Variants in SH3BP2 observed in about 807,000 individuals in gnomAD.
The protein encoded by SH3BP2 is SH3 domain binding protein 2.
Under a neutral mutation model 56.2 loss-of-function variants are expected in SH3BP2, and 38 were observed. That is an observed-to-expected ratio of 0.68 (90% CI 0.52 to 0.89). The LOEUF (loss-of-function observed/expected upper bound fraction) is 0.89, where lower values mean the gene tolerates loss of function less well. SH3BP2 is among the 40% of genes least tolerant of loss of function. The pLI is 0.00. For synonymous variants in SH3BP2, 346 were observed against 316.7 expected (o/e 1.09, Z -0.98); for missense variants, 748 against 762.6 (o/e 0.98, Z 0.23).
intron 1 of SH3BP2, among the ~76,000 whole-genome samples, chr4:2,804,678 G>T (rs1723456420): frequency 6.6e-6 from 1 of 152,214 alleles, no homozygotes; most frequent in African/African-American, 2.4e-5. Flanking sequence ...CTGTCCTTAA[G>T]GTTGGTGGGC....
Position 2,829,520 on chromosome 4 carries a change from C to G in SH3BP2, c.614C>G (p.Pro205Arg), listed in dbSNP as rs747483015. ...GCCCTGATGCACCCACCGGCTTACCCACCACCCCCAGTGCCCACGCCCAGG... is the reference window on the plus strand; with the variant it reads ...GCCCTGATGCACCCACCGGCTTACCGACCACCCCCAGTGCCCACGCCCAGG... ...EDALMHPPAYPPPPVPTPRKP... is the reference protein window; with the variant it reads ...EDALMHPPAYRPPPVPTPRKP... The change falls in exon 8 of 13, where the codon CCA (proline) becomes CGA (arginine). Residue 205 changes from proline (P) to arginine (R), a missense_variant. By Grantham distance (103) the Pro-to-Arg change is moderately radical. Around this residue, in one of 3 missense-constraint regions of SH3BP2, gnomAD observed 635 missense variants for 615.0 expected, o/e 1.03. Transcript: ENST00000503393. The surrounding 1 kb of genome is among the most constrained non-coding windows in gnomAD (Gnocchi z 4.9). The G allele has an allele frequency of 1.9e-6, 3 of 1,613,606 alleles. No individual in the cohort carries two copies. The highest frequency in any genetic ancestry group is 2.5e-6 in the Non-Finnish European group (3 of 1,179,986).
At chr4:2,825,344 C>T in intron 5 of SH3BP2, 148 bp downstream of exon 5, 1 of 708,324 alleles carries the variant, frequency 1.4e-6, no homozygotes. Flanking sequence ...CGTCTCTCTG[C>T]TCCTGTCTAC....
chr4:2,820,852 G>A (rs1464254166), intron 2 of SH3BP2, 99 bp downstream of exon 2: 1 of 1,347,156 alleles, frequency 7.4e-7, no homozygotes, highest in Non-Finnish European at 1.0e-6. Flanking sequence ...TCCTCACATG[G>A]TGTGCCCTCT....
Position 2,831,819 on chromosome 4 carries a change from C to A in SH3BP2, c.1351-104C>A, listed in dbSNP as rs747239160. 44 of 1,406,162 alleles carry A rather than the reference C, an allele frequency of 3.1e-5. No individual in the cohort carries two copies. Among genetic ancestry groups the A allele is most frequent in the Non-Finnish European group, 4.0e-5 (40 of 1,008,768 alleles). The allele number at this position is 1,406,162 out of a possible 1,614,324, so 87.1% of individuals were successfully genotyped here. On this transcript the variant is annotated intron_variant, in intron 9 of 12. Coordinates refer to ENST00000503393, the MANE Select transcript of SH3BP2 (RefSeq NM_001122681.2). This position sits in a 1 kb window ranked among gnomAD's most constrained non-coding sequence, Gnocchi z 4.1. ...CCCGGGAGCCTAGGGGGACACAGCA[C>A]CATGTAAAGCCCCGGATCCCGGCAC...
In SH3BP2 at chr4:2,829,466, T is replaced by C; in HGVS notation, c.587-27T>C. On this transcript the variant is annotated intron_variant, in intron 7 of 12. Transcript: ENST00000503393. This position sits in a 1 kb window ranked among gnomAD's most constrained non-coding sequence, Gnocchi z 4.9. ...AGTGTTGGCCCAGTCTCTGTCAGGGTCCAACCCGGGTCTCTTTGCTCTGCA... is the reference window on the plus strand; with the variant it reads ...AGTGTTGGCCCAGTCTCTGTCAGGGCCCAACCCGGGTCTCTTTGCTCTGCA... 2.5e-6 allele frequency: 4 copies of C among 1,612,302 alleles called. No individual in the cohort carries two copies. Among genetic ancestry groups the C allele is most frequent in the Non-Finnish European group, 3.4e-6 (4 of 1,179,168 alleles).
chr4:2,813,211 C>A (rs1364563013), intron 1 of SH3BP2, among the ~76,000 whole-genome samples: 1 of 152,214 alleles, frequency 6.6e-6, no homozygotes, highest in Non-Finnish European at 1.5e-5. Flanking sequence ...AGGTGGAAGC[C>A]GCCCCATCTG....
At chr4:2,824,488 A>AC (rs1724482067) in intron 3 of SH3BP2, 125 bp from the exon 4 acceptor site, 1 of 664,556 alleles carries the variant, frequency 1.5e-6, no homozygotes, top group Non-Finnish European at 2.5e-6. Flanking sequence ...GCCAGGGCCC[A>AC]CCCGATCTGC....
intron 1 of SH3BP2, among the ~76,000 whole-genome samples, chr4:2,802,522 A>G (rs1231419582): frequency 1.1e-5 from 1 of 88,294 alleles, no homozygotes; most frequent in Admixed American, 1.3e-4. Flanking sequence ...ATATGTGTAT[A>G]TATATATGTA....
chr4:2,802,657 A>ATG (rs144939379), intron 1 of SH3BP2, among the ~76,000 whole-genome samples: 4,797 of 141,792 alleles, frequency 0.034, 98 homozygotes, highest in African/African-American at 0.055. Context: ...ATATATGTAT[A>ATG]TGTGTGTGTG....
intron 4 of SH3BP2, 172 bp downstream of exon 4, chr4:2,824,902 A>C (rs1367430010): frequency 5.9e-6 from 4 of 672,718 alleles, no homozygotes; most frequent in Non-Finnish European, 1.1e-5. Context: ...CCCCAGCTCC[A>C]TCCCCATGCC....
At chr4:2,812,172 A>C in intron 1 of SH3BP2, 1 of 1,434,910 alleles carries the variant, frequency 7.0e-7, no homozygotes, top group East Asian at 2.5e-5. Context: ...CCTGGGCCCC[A>C]GGCAGCTTTC....
At position 2,831,617 on chromosome 4, in the gene SH3BP2, A is replaced by C; in HGVS notation, c.1288A>C (p.Lys430Gln). The change falls in exon 9 of 13, where the codon AAG (lysine) becomes CAG (glutamine). Residue 430 changes from lysine to glutamine, a missense_variant. Around this residue, in one of 3 missense-constraint regions of SH3BP2, gnomAD observed 635 missense variants for 615.0 expected, o/e 1.03. Coordinates refer to ENST00000503393, the MANE Select transcript of SH3BP2 (RefSeq NM_001122681.2). The surrounding 1 kb of genome is among the most constrained non-coding windows in gnomAD (Gnocchi z 4.1). ...GQSFRSFSFEKPRQPSQADTG... is the reference protein window; with the variant it reads ...GQSFRSFSFEQPRQPSQADTG... ...GAGTTTCAGGAGCTTCTCCTTTGAA[A>C]AGCCCCGGCAACCCTCACAGGCTGA... 1 of 1,605,010 alleles carries C rather than the reference A, an allele frequency of 6.2e-7. No individual in the cohort carries two copies. The highest frequency in any genetic ancestry group is 8.5e-7 in the Non-Finnish European group (1 of 1,175,514).
At chr4:2,795,131 G>A (rs1723019758) in intron 1 of SH3BP2, among the ~76,000 whole-genome samples, 1 of 152,152 alleles carries the variant, frequency 6.6e-6, no homozygotes, top group East Asian at 1.9e-4. Context: ...ACATGTGCTT[G>A]GTATTCAGTG....
At position 2,833,704 on chromosome 4, in the gene SH3BP2, A is replaced by C; in HGVS notation, c.1556A>C (p.Lys519Thr). The C allele has an allele frequency of 6.2e-7, 1 of 1,610,686 alleles. No homozygotes were observed. The highest frequency in any genetic ancestry group is 8.5e-7 in the Non-Finnish European group (1 of 1,178,574). The change falls in exon 13 of 13, where the codon AAG becomes ACG. Residue 519 changes from lysine (K) to threonine (T), a missense_variant. Physicochemically the swap from Lys to Thr is moderately conservative, Grantham distance 78. Transcript: ENST00000503393. ...CCTTCTCTTCCCCCACAGGACTCTA[A>C]GTTCTACCTGGAGGGCGAGGTCCTG... ...RNYRIFEKDS[K>T]FYLEGEVLFV...
At position 2,823,007 on chromosome 4, in the gene SH3BP2, A is replaced by C; in HGVS notation, c.209A>C (p.Gln70Pro). The C allele has an allele frequency of 6.2e-7, 1 of 1,613,982 alleles. No individual in the cohort carries two copies. The highest frequency in any genetic ancestry group is 8.5e-7 in the Non-Finnish European group (1 of 1,179,916). ...AAGAGTAGCACCTCTGCCTCCCCGC[A>C]GGGCGCCTTCTCCCTGAGTGGCTAT... ...YFKSSTSASPQGAFSLSGYNR... is the reference protein window; with the variant it reads ...YFKSSTSASPPGAFSLSGYNR... The change falls in exon 3 of 13, where the codon CAG (glutamine) becomes CCG (proline). Residue 70 changes from glutamine (Q) to proline (P), a missense_variant. Physicochemically the swap from Gln to Pro is moderately conservative, Grantham distance 76. This residue lies in a region of SH3BP2 where 104 missense variants were observed against 123.1 expected (regional missense o/e 0.84). Coordinates refer to ENST00000503393, the MANE Select transcript of SH3BP2 (RefSeq NM_001122681.2).
At chr4:2,806,536 G>T (rs998996605) in intron 1 of SH3BP2, among the ~76,000 whole-genome samples, 1 of 152,266 alleles carries the variant, frequency 6.6e-6, no homozygotes, top group East Asian at 1.9e-4. Context: ...GGCTCCAGGC[G>T]AGCAGCAGTG....
intron 3 of SH3BP2, chr4:2,823,479 G>A (rs1314800524): frequency 1.3e-5 from 6 of 457,692 alleles, no homozygotes. Flanking sequence ...CTCCCAGGCC[G>A]GGATCAGTTT....
At position 2,827,639 on chromosome 4, in the gene SH3BP2, T is replaced by C. The variant is rs1477815888; in HGVS notation, c.551T>C (p.Leu184Pro). 1 of 1,536,082 alleles carries C rather than the reference T, an allele frequency of 6.5e-7. No homozygotes were observed. The change falls in exon 7 of 13, where the codon CTG (leucine) becomes CCG (proline). Residue 184 changes from leucine (L) to proline (P), a missense_variant. Coordinates refer to ENST00000503393, the MANE Select transcript of SH3BP2 (RefSeq NM_001122681.2). ...YEHDDEDDSYLEPDSPEPGRL... is the reference protein window; with the variant it reads ...YEHDDEDDSYPEPDSPEPGRL... ...CACGACGATGAGGATGACTCCTACC[T>C]GGAGCCTGACTCCCCGGAGCCCGGA... is the stretch of plus-strand genomic sequence containing the variant.
At chr4:2,809,672 C>T (rs1028744241) in intron 1 of SH3BP2, 7 of 431,824 alleles carry the variant, frequency 1.6e-5, no homozygotes, top group Non-Finnish European at 2.2e-5. Context: ...AGGGTCAGCT[C>T]CGTGGTGGCT....
Sources: gnomAD v4.1 joint callset for allele counts (sites outside exome capture counted in the v4.1 genomes callset) on GRCh38, gnomAD v4.1.1 for gene constraint, gnomAD v4.1.1 regional missense constraint, Gnocchi (gnomAD v3.1) non-coding constraint, MANE v1.5 for transcripts, NCBI Gene and HGNC (gene_info 2026-07-23, HGNC 2026-07-21) for gene names.